The following USP31 variants were observed in gnomAD, a reference collection of about 807,000 sequenced individuals.
USP31 encodes ubiquitin specific peptidase 31.
USP31 carries 44 observed loss-of-function variants against 119.4 expected under a neutral mutation model. The ratio of observed to expected loss-of-function variants is 0.37; its 90% CI spans 0.29 to 0.47. USP31 has a LOEUF of 0.47. Ranked by LOEUF, USP31 falls within the 20% of genes least tolerant of loss-of-function variation. The probability of loss-of-function intolerance (pLI) is 0.99; values close to 1 mark genes in which losing one functional copy is unlikely to be tolerated. For synonymous variants in USP31, 749 were observed against 705.6 expected (o/e 1.06, Z -0.97); for missense variants, 1,643 against 1,730.2 (o/e 0.95, Z 0.89).
At chr16:23,077,754 C>T (rs144596180) in intron 13 of USP31, among the ~76,000 whole-genome samples, 14 of 152,288 alleles carry the variant, frequency 9.2e-5, no homozygotes, top group African/African-American at 3.1e-4. Flanking sequence ...TCAAATTAAT[C>T]ACATCAACCC....
chr16:23,121,917 C>A (rs991466685), intron 1 of USP31, among the ~76,000 whole-genome samples: 2 of 152,148 alleles, frequency 1.3e-5, no homozygotes. Flanking sequence ...AAAATACATT[C>A]ATTACAACCA....
intron 1 of USP31, among the ~76,000 whole-genome samples, chr16:23,144,117 C>G (rs953726885): frequency 6.6e-6 from 1 of 152,150 alleles, no homozygotes; most frequent in Non-Finnish European, 1.5e-5. Flanking sequence ...ATCTACTTGG[C>G]AAGCTCCTAA....
intron 13 of USP31, among the ~76,000 whole-genome samples, chr16:23,075,003 G>A (rs1450085437): frequency 6.6e-6 from 1 of 152,182 alleles, no homozygotes; most frequent in Non-Finnish European, 1.5e-5. Context: ...GGCACCAGGA[G>A]TGACTCCTTC....
chr16:23,087,692 T>C, intron 8 of USP31, 32 bp downstream of exon 8: 4 of 1,574,932 alleles, frequency 2.5e-6, no homozygotes, highest in Non-Finnish European at 1.7e-6. Context: ...TATATACCCA[T>C]GCTATGCTGG....
At chr16:23,095,371 T>C (rs888226835) in intron 6 of USP31, among the ~76,000 whole-genome samples, 3 of 152,308 alleles carry the variant, frequency 2.0e-5, no homozygotes, top group South Asian at 2.1e-4. Flanking sequence ...CTATGTTTGA[T>C]TGCTGTACCT....
intron 1 of USP31, among the ~76,000 whole-genome samples, chr16:23,119,225 A>C (rs1427045726): frequency 1.3e-5 from 2 of 151,152 alleles, no homozygotes; most frequent in African/African-American, 4.9e-5. Flanking sequence ...CAGCCTCCCA[A>C]GCAGCTGGGA....
chr16:23,073,750 C>A lies in USP31; in HGVS notation c.2307G>T (p.Pro769=). 1.2e-6 allele frequency: 2 copies of A among 1,613,076 alleles called. No individual in the cohort carries two copies. Among genetic ancestry groups the A allele is most frequent in the South Asian group, 1.1e-5 (1 of 91,026 alleles). The change falls in exon 14 of 16, where the codon CCG becomes CCT. Residue 769 remains proline, a synonymous_variant. Coordinates refer to ENST00000219689, the MANE Select transcript of USP31 (RefSeq NM_020718.4). ...ILFYQRRTAI[P]SWSANSSVAG... ...CCACCGAGCTGTTGGCTGACCATGA[C>A]GGGATGGCTGTCCGCCTCTGGTAGA...
In USP31 at chr16:23,068,539, C is replaced by G. The variant is rs199804574; in HGVS notation, c.3566G>C (p.Gly1189Ala). The G allele has an allele frequency of 9.9e-5, 159 of 1,613,812 alleles. No homozygotes were observed. The highest frequency in any genetic ancestry group is 8.1e-5 in the Non-Finnish European group (96 of 1,179,946). Residue 1189 changes from glycine to alanine, a missense_variant, in exon 16 of 16, where the codon GGC becomes GCC. By Grantham distance (60) the Gly-to-Ala change is moderately conservative. Coordinates refer to ENST00000219689, the MANE Select transcript of USP31 (RefSeq NM_020718.4). ...CCGCACGTGCTTCCCGGCCCCCCTG[C>G]CCTCCCCTGCTCGGGCCTGGCTCAC... ...PRVSQARAGE[G>A]RGAGKHVRSS...
intron 1 of USP31, 73 bp downstream of exon 1, chr16:23,148,565 G>A (rs1484876119): frequency 2.2e-6 from 3 of 1,390,176 alleles, no homozygotes; most frequent in Non-Finnish European, 2.8e-6. Flanking sequence ...GGAACCGAGG[G>A]AAGGAAGACC....
chr16:23,143,693 CCAAA>C lies in USP31; in HGVS notation c.633+4941_633+4944del, dbSNP rs1334003420. Among the ~76,000 whole-genome samples, 4 of 152,210 alleles carry C rather than the reference CCAAA, an allele frequency of 2.6e-5. No homozygotes were observed. The East Asian group carries it at 7.7e-4, about 29-fold the overall frequency. ...TTGCGCTGAGTCTCCAAACTTTCCT[CCAAA>C]CAGTTTCTCAGCCTCAGCACTACTG... On this transcript the variant is annotated intron_variant, in intron 1 of 15. Transcript: ENST00000219689.
At chr16:23,089,767 T>C (rs1016782338) in intron 7 of USP31, among the ~76,000 whole-genome samples, 1 of 152,210 alleles carries the variant, frequency 6.6e-6, no homozygotes, top group Admixed American at 6.5e-5. Context: ...CAGAGGGCAT[T>C]AGACAAATTT....
chr16:23,149,113 G>C lies in USP31; in HGVS notation c.158C>G (p.Ser53Cys), dbSNP rs1248873904. Residue 53 changes from serine to cysteine, a missense_variant, in exon 1 of 16, where the codon TCC becomes TGC. By Grantham distance (112) the Ser-to-Cys change is moderately radical. Around this residue, in one of 5 missense-constraint regions of USP31, gnomAD observed 302 missense variants for 262.6 expected, o/e 1.15. Coordinates refer to ENST00000219689, the MANE Select transcript of USP31 (RefSeq NM_020718.4). Reference protein sequence around the residue: ...ASGPAAPSSPSSPSSARSVGS... With the variant: ...ASGPAAPSSPCSPSSARSVGS... ...CACCGAGCGTGCAGAGGAGGGCGAG[G>C]AGGGCGAGGAAGGCGCGGCCGGCCC... 4 of 1,262,192 alleles carry C rather than the reference G, an allele frequency of 3.2e-6. No individual in the cohort carries two copies. The African/African-American group carries it at 6.3e-5, about 20-fold the overall frequency. The allele number at this position is 1,262,192 out of a possible 1,614,324, so 78.2% of individuals were successfully genotyped here.
intron 1 of USP31, among the ~76,000 whole-genome samples, chr16:23,114,386 CA>C (rs1902423486): frequency 6.7e-6 from 1 of 148,856 alleles, no homozygotes; most frequent in Non-Finnish European, 1.5e-5. Flanking sequence ...CACAAACTGT[CA>C]GAAGTACAGC....
At chr16:23,101,623 T>C (rs1199503346) in intron 6 of USP31, among the ~76,000 whole-genome samples, 1 of 152,146 alleles carries the variant, frequency 6.6e-6, no homozygotes, top group Non-Finnish European at 1.5e-5. Context: ...AGAATTTGCA[T>C]TTCTAACCAG....
chr16:23,083,702 G>A (rs1057068059), intron 11 of USP31, among the ~76,000 whole-genome samples: 31 of 117,586 alleles, frequency 2.6e-4, no homozygotes, highest in African/African-American at 4.8e-4. Context: ...TGGCGGGGGG[G>A]GGGGGGGGGA....
chr16:23,143,371 T>C (rs1701235944), intron 1 of USP31, among the ~76,000 whole-genome samples: 1 of 152,212 alleles, frequency 6.6e-6, no homozygotes, highest in African/African-American at 2.4e-5. Context: ...AAAGCATTTG[T>C]AAGAATCTGG....
chr16:23,090,753 T>C lies in USP31; in HGVS notation c.1286A>G (p.His429Arg), dbSNP rs1417691687. 2.5e-6 allele frequency: 4 copies of C among 1,610,932 alleles called. No homozygotes were observed. The highest frequency in any genetic ancestry group is 8.5e-7 in the Non-Finnish European group (1 of 1,177,648). ...TGTTTGTGTAGGAGAAGACAGTCTATGATAATCCAAGCCAAATTTCAAGTG... is the reference window on the plus strand; with the variant it reads ...TGTTTGTGTAGGAGAAGACAGTCTACGATAATCCAAGCCAAATTTCAAGTG... ...LNHLKFGLDY[H>R]RLSSPTQTAA... is the part of the protein sequence containing the mutation. The change falls in exon 7 of 16, where the codon CAT becomes CGT. Residue 429 changes from histidine to arginine, a missense_variant. His to Arg is a conservative substitution (Grantham distance 29). Transcript: ENST00000219689.
chr16:23,132,494 G>A (rs539356449), intron 1 of USP31, among the ~76,000 whole-genome samples: 20 of 152,100 alleles, frequency 1.3e-4, no homozygotes, highest in African/African-American at 4.1e-4. Context: ...ATCAAGCCAC[G>A]CACAAATAGA....
At chr16:23,115,451 T>C (rs1902457994) in intron 1 of USP31, among the ~76,000 whole-genome samples, 1 of 152,246 alleles carries the variant, frequency 6.6e-6, no homozygotes, top group South Asian at 2.1e-4. Context: ...TGAGCCCAGT[T>C]CAAGACCAAC....
Sources: gnomAD v4.1 joint callset for allele counts (sites outside exome capture counted in the v4.1 genomes callset) on GRCh38, gnomAD v4.1.1 for gene constraint, gnomAD v4.1.1 regional missense constraint, MANE v1.5 for transcripts, NCBI Gene and HGNC (gene_info 2026-07-23, HGNC 2026-07-21) for gene names.